DHX57: variants seen among roughly 807,000 people sequenced by gnomAD.
DHX57 encodes the protein DExH-box helicase 57.
A neutral mutation model predicts 156.2 loss-of-function variants in DHX57; 105 were observed. The observed-to-expected ratio is 0.67, with a 90% CI of 0.57 to 0.79. The LOEUF is 0.79. Among genes scored for constraint, DHX57 ranks in the 30% least tolerant of loss-of-function variants. The pLI is 0.00. For missense variants in DHX57, 1,847 were observed against 1,661.9 expected (o/e 1.11, Z -1.94); for synonymous variants, 704 against 595.6 (o/e 1.18, Z -2.65).
chr2:38,835,033 G>C (rs1228047382), intron 13 of DHX57, among the ~76,000 whole-genome samples: 1 of 152,156 alleles, frequency 6.6e-6, no homozygotes, highest in East Asian at 1.9e-4. Context: ...AGGATAGTTT[G>C]ACAATTTTAG....
chr2:38,808,946 G>GTTAAAAA (rs1453089204), intron 21 of DHX57, among the ~76,000 whole-genome samples: 1 of 151,904 alleles, frequency 6.6e-6, no homozygotes, highest in East Asian at 1.9e-4. Context: ...CAGGGATAGG[G>GTTAAAAA]TCTCTCTGTG....
At chr2:38,853,914 C>G in intron 9 of DHX57, 140 bp downstream of exon 9, 1 of 750,534 alleles carries the variant, frequency 1.3e-6, no homozygotes, top group Non-Finnish European at 2.1e-6. Flanking sequence ...AAAGCAGTTG[C>G]TCTTCTCTAA....
At position 38,861,555 on chromosome 2, in the gene DHX57, G is replaced by T; in HGVS notation, c.855C>A (p.Phe285Leu). The T allele has an allele frequency of 6.2e-7, 1 of 1,614,132 alleles. No individual in the cohort carries two copies. Among genetic ancestry groups the T allele is most frequent in the Non-Finnish European group, 8.5e-7 (1 of 1,180,014 alleles). Residue 285 changes from phenylalanine to leucine, a missense_variant, in exon 5 of 24, where the codon TTC becomes TTA. Phe to Leu is a conservative substitution (Grantham distance 22). Coordinates refer to ENST00000457308, the MANE Select transcript of DHX57 (RefSeq NM_198963.3). ...TACTTTCTTTTGGCTTGGATTTGCGGAATCTACTTGTCAGATACTCCAGTT... is the reference window on the plus strand; with the variant it reads ...TACTTTCTTTTGGCTTGGATTTGCGTAATCTACTTGTCAGATACTCCAGTT... Reference protein sequence around the residue: ...GLELEYLTSRFRKSKPKESTK... With the variant: ...GLELEYLTSRLRKSKPKESTK...
At chr2:38,844,309 C>A (rs547637738) in intron 11 of DHX57, among the ~76,000 whole-genome samples, 1 of 152,204 alleles carries the variant, frequency 6.6e-6, no homozygotes, top group South Asian at 2.1e-4. Flanking sequence ...ATTAGAGGCA[C>A]AAGAAAAGTA....
At chr2:38,838,604 A>G (rs948778856) in intron 12 of DHX57, among the ~76,000 whole-genome samples, 1 of 152,184 alleles carries the variant, frequency 6.6e-6, no homozygotes, top group African/African-American at 2.4e-5. Flanking sequence ...TACATTTTAG[A>G]AACTTCTTCT....
chr2:38,871,987 C>T lies in DHX57; in HGVS notation c.-6-3576G>A, dbSNP rs552304792. ...CCTCCCAAAGTGCTGGGATTACAGG[C>T]GTGAGCCACCGCGCCCGGCCTAATA... is the stretch of plus-strand genomic sequence containing the variant. On this transcript the variant is annotated intron_variant, in intron 1 of 23. Coordinates refer to ENST00000457308, the MANE Select transcript of DHX57 (RefSeq NM_198963.3). Among the ~76,000 whole-genome samples the T allele has an allele frequency of 3.3e-4, 50 of 152,222 alleles. No homozygotes were observed. The South Asian group carries it at 7.1e-3, about 21-fold the overall frequency.
At chr2:38,869,022 G>A (rs1052135560) in intron 1 of DHX57, among the ~76,000 whole-genome samples, 16 of 152,146 alleles carry the variant, frequency 1.1e-4, no homozygotes, top group African/African-American at 3.4e-4. Flanking sequence ...GGCTGGTCTC[G>A]AACTCATGAC....
At chr2:38,854,973 C>G (rs759602791) in intron 8 of DHX57, 84 bp downstream of exon 8, 1 of 1,363,422 alleles carries the variant, frequency 7.3e-7, no homozygotes, top group Non-Finnish European at 1.0e-6. Flanking sequence ...TCCCAAATTG[C>G]CCATGAATCT....
At chr2:38,847,404 A>T (rs1672346501) in intron 10 of DHX57, among the ~76,000 whole-genome samples, 2 of 152,218 alleles carry the variant, frequency 1.3e-5, no homozygotes, top group South Asian at 4.1e-4. Context: ...ATTCTAGATC[A>T]AACACAAAGT....
intron 12 of DHX57, among the ~76,000 whole-genome samples, chr2:38,840,119 A>AT (rs997562867): frequency 6.6e-6 from 1 of 151,936 alleles, no homozygotes; most frequent in Non-Finnish European, 1.5e-5. Context: ...TAATTTAAAA[A>AT]TTTTTTTAAG....
chr2:38,855,368 T>C, intron 7 of DHX57, 116 bp from the exon 8 acceptor site: 1 of 1,145,656 alleles, frequency 8.7e-7, no homozygotes, highest in South Asian at 1.3e-5. Context: ...AGTTGTTCAG[T>C]TTCAGGTATT....
chr2:38,836,294 T>C (rs911457885), intron 13 of DHX57, among the ~76,000 whole-genome samples: 2 of 152,154 alleles, frequency 1.3e-5, no homozygotes, highest in Non-Finnish European at 2.9e-5. Context: ...TTCTTCCACC[T>C]CTGCCACCCG....
At chr2:38,833,612 C>T (rs1260526122) in intron 13 of DHX57, among the ~76,000 whole-genome samples, 2 of 152,026 alleles carry the variant, frequency 1.3e-5, no homozygotes, top group Non-Finnish European at 2.9e-5. Context: ...AAGAAGGCTA[C>T]CGGGATGGGA....
In DHX57 at chr2:38,861,676, A is replaced by G. The variant is rs375734126; in HGVS notation, c.734T>C (p.Met245Thr). The stretch of plus-strand genomic sequence containing the variant: ...AAATGCCTCTTCCTGTCGCTGTTCC[A>G]TACACTCATCCAAGCTTATCTGGTT... ...AVNQISLDEC[M>T]EQRQEEAFAL... Residue 245 changes from methionine (M) to threonine (T), a missense_variant, in exon 5 of 24, where the codon ATG becomes ACG. Coordinates refer to ENST00000457308, the MANE Select transcript of DHX57 (RefSeq NM_198963.3). 6.2e-7 allele frequency: 1 copy of G among 1,614,174 alleles called. No individual in the cohort carries two copies. Among genetic ancestry groups the G allele is most frequent in the Non-Finnish European group, 8.5e-7 (1 of 1,180,040 alleles).
chr2:38,810,200 CT>C (rs546365495), intron 21 of DHX57, among the ~76,000 whole-genome samples: 16,725 of 136,162 alleles, frequency 0.12, 975 homozygotes, highest in African/African-American at 0.15. Context: ...TGGCCTTAGT[CT>C]TTTTTTTTTT....
At chr2:38,841,303 C>A (rs1308900854) in intron 12 of DHX57, among the ~76,000 whole-genome samples, 1 of 152,252 alleles carries the variant, frequency 6.6e-6, no homozygotes, top group East Asian at 1.9e-4. Flanking sequence ...CTAAATGATT[C>A]CACTTTATAG....
intron 2 of DHX57, among the ~76,000 whole-genome samples, chr2:38,866,405 A>G (rs912716567): frequency 6.6e-6 from 1 of 152,166 alleles, no homozygotes; most frequent in Non-Finnish European, 1.5e-5. Flanking sequence ...TCAGAACTTC[A>G]CAGCTTATTC....
intron 19 of DHX57, 182 bp from the exon 20 acceptor site, chr2:38,815,837 C>T (rs952211846): frequency 2.0e-5 from 14 of 694,742 alleles, no homozygotes; most frequent in Admixed American, 5.9e-5. Context: ...CTTTCACTTA[C>T]GCAAACTGGC....
rs570899666 is a variant in DHX57 at position 38,823,143 on chromosome 2, A to G, written c.3141T>C (p.Thr1047=). 6.2e-7 allele frequency: 1 copy of G among 1,614,190 alleles called. No homozygotes were observed. Among genetic ancestry groups the G allele is most frequent in the East Asian group, 2.2e-5 (1 of 44,884 alleles). Residue 1047 remains threonine (T), a synonymous_variant, in exon 17 of 24, where the codon ACT becomes ACC. Transcript: ENST00000457308. The part of the protein sequence containing the change: ...KIRLRDLGAL[T]PDERLTPLGY... ...CAAGAGGGGTCAATCTTTCATCTGG[A>G]GTTAATGCTCCTAAGTCTCGTAATC...
Sources: gnomAD v4.1 joint callset for allele counts (sites outside exome capture counted in the v4.1 genomes callset) on GRCh38, gnomAD v4.1.1 for gene constraint, MANE v1.5 for transcripts, NCBI Gene and HGNC (gene_info 2026-07-23, HGNC 2026-07-21) for gene names.